The following SGCZ variants were observed in gnomAD, a reference collection of about 807,000 sequenced individuals.
SGCZ encodes zeta-sarcoglycan.
In SGCZ, 40 loss-of-function variants were observed where a neutral mutation model predicts 41.3. That is an observed-to-expected ratio of 0.97 (90% CI 0.75 to 1.26). SGCZ has a LOEUF of 1.26. SGCZ is among the 50% of genes most tolerant of loss of function. The pLI is 0.00. For missense variants in SGCZ, 552 were observed against 369.8 expected (o/e 1.49, Z -4.04); for synonymous variants, 206 against 137.5 (o/e 1.50, Z -3.49).
At chr8:14,779,195 A>G (rs1188341498) in intron 1 of SGCZ, among the ~76,000 whole-genome samples, 1 of 152,208 alleles carries the variant, frequency 6.6e-6, no homozygotes, top group African/African-American at 2.4e-5. Flanking sequence ...TATAACCAAT[A>G]GATTATGGCT....
intron 1 of SGCZ, among the ~76,000 whole-genome samples, chr8:15,016,412 GGGCTTAGAAAT>G (rs1316553816): frequency 6.6e-6 from 1 of 152,210 alleles, no homozygotes; most frequent in Non-Finnish European, 1.5e-5. Context: ...TGGGTGGGGA[GGGCTTAGAAAT>G]GGCTCTCTCC....
At chr8:15,163,981 C>CAGG (rs1563160004) in intron 1 of SGCZ, among the ~76,000 whole-genome samples, 1 of 152,204 alleles carries the variant, frequency 6.6e-6, no homozygotes, top group Non-Finnish European at 1.5e-5. Flanking sequence ...GGCCTCTCCG[C>CAGG]TTCCTGCGTG....
intron 3 of SGCZ, among the ~76,000 whole-genome samples, chr8:14,238,141 C>T (rs968840436): frequency 2.6e-5 from 4 of 152,204 alleles, no homozygotes; most frequent in Non-Finnish European, 5.9e-5. Context: ...TCCTCAAACT[C>T]CCAATGTCCA....
chr8:14,243,066 C>T (rs775417173), intron 3 of SGCZ, among the ~76,000 whole-genome samples: 6 of 152,176 alleles, frequency 3.9e-5, no homozygotes, highest in Non-Finnish European at 7.3e-5. Flanking sequence ...TTTGTCTCCT[C>T]AGATTCCAAA....
chr8:15,023,909 T>G (rs1052567263), intron 1 of SGCZ, among the ~76,000 whole-genome samples: 10 of 152,242 alleles, frequency 6.6e-5, no homozygotes, highest in Non-Finnish European at 1.5e-5. Context: ...AAGAAAAGTT[T>G]CCCAGTCGGC....
intron 4 of SGCZ, among the ~76,000 whole-genome samples, chr8:14,221,129 A>C (rs1024050748): frequency 1.3e-5 from 2 of 152,212 alleles, no homozygotes; most frequent in Non-Finnish European, 2.9e-5. Flanking sequence ...ACTCCTACAT[A>C]TTCAAAATGT....
chr8:14,711,297 G>A (rs749099406), intron 1 of SGCZ, among the ~76,000 whole-genome samples: 1 of 151,780 alleles, frequency 6.6e-6, no homozygotes, highest in Non-Finnish European at 1.5e-5. Flanking sequence ...CATTAATAAT[G>A]TACATATGTT....
At chr8:14,613,157 G>T (rs1326529864) in intron 1 of SGCZ, among the ~76,000 whole-genome samples, 5 of 152,124 alleles carry the variant, frequency 3.3e-5, no homozygotes, top group Non-Finnish European at 7.4e-5. Flanking sequence ...TGCTGAGTGG[G>T]GGCCCTCCAT....
intron 1 of SGCZ, among the ~76,000 whole-genome samples, chr8:14,732,981 G>A (rs762462795): frequency 1.3e-5 from 2 of 151,590 alleles, no homozygotes; most frequent in Non-Finnish European, 2.9e-5. Flanking sequence ...TTTAAAACAT[G>A]TATTAACCTC....
At chr8:14,945,515 G>T (rs1399010859) in intron 1 of SGCZ, among the ~76,000 whole-genome samples, 1 of 152,066 alleles carries the variant, frequency 6.6e-6, no homozygotes, top group Non-Finnish European at 1.5e-5. Flanking sequence ...TTTGGATCAA[G>T]ACTACTATGG....
intron 2 of SGCZ, among the ~76,000 whole-genome samples, chr8:14,538,944 G>A (rs1014845414): frequency 1.3e-5 from 2 of 151,976 alleles, no homozygotes; most frequent in Admixed American, 6.6e-5. Flanking sequence ...TTAATTTCAT[G>A]TGTCAGCTTG....
At chr8:14,925,140 G>T (rs1010435716) in intron 1 of SGCZ, among the ~76,000 whole-genome samples, 2 of 152,168 alleles carry the variant, frequency 1.3e-5, no homozygotes, top group Non-Finnish European at 2.9e-5. Context: ...TTATAGGCGT[G>T]AGGCACCAGG....
chr8:15,107,887 C>A (rs1806892164), intron 1 of SGCZ, among the ~76,000 whole-genome samples: 1 of 152,072 alleles, frequency 6.6e-6, no homozygotes, highest in African/African-American at 2.4e-5. Flanking sequence ...TAGAAGTCAC[C>A]CATTTCGTTC....
At chr8:14,777,874 T>C (rs1288327466) in intron 1 of SGCZ, among the ~76,000 whole-genome samples, 1 of 149,712 alleles carries the variant, frequency 6.7e-6, no homozygotes, top group Non-Finnish European at 1.5e-5. Flanking sequence ...ATCTTACACC[T>C]TTTCTTATGT....
intron 1 of SGCZ, among the ~76,000 whole-genome samples, chr8:15,180,317 A>C (rs1800133201): frequency 6.6e-6 from 1 of 152,202 alleles, no homozygotes; most frequent in Non-Finnish European, 1.5e-5. Context: ...CTGGCTATAT[A>C]AAAGCCATTG....
chr8:14,968,612 G>C (rs957656725), intron 1 of SGCZ, among the ~76,000 whole-genome samples: 14 of 152,132 alleles, frequency 9.2e-5, no homozygotes, highest in Non-Finnish European at 1.9e-4. Flanking sequence ...CGTGTGTACA[G>C]ATGATTGAGA....
At chr8:15,214,910 G>C (rs993987134) in intron 1 of SGCZ, among the ~76,000 whole-genome samples, 5 of 152,116 alleles carry the variant, frequency 3.3e-5, no homozygotes, top group Non-Finnish European at 1.5e-5. Context: ...ACAGAAAAGC[G>C]AAGTTGCAGA....
chr8:14,969,903 GCAGA>G (rs1801236566), intron 1 of SGCZ, among the ~76,000 whole-genome samples: 1 of 152,014 alleles, frequency 6.6e-6, no homozygotes, highest in African/African-American at 2.4e-5. Flanking sequence ...GACTGAAATG[GCAGA>G]CAATGTTTCA....
intron 1 of SGCZ, among the ~76,000 whole-genome samples, chr8:15,220,911 G>A (rs996871086): frequency 6.6e-6 from 1 of 152,040 alleles, no homozygotes; most frequent in East Asian, 1.9e-4. Flanking sequence ...ACTATCACAA[G>A]TACAGAAAAC....
Sources: gnomAD v4.1 joint callset for allele counts (sites outside exome capture counted in the v4.1 genomes callset) on GRCh38, gnomAD v4.1.1 for gene constraint, MANE v1.5 for transcripts, NCBI Gene and HGNC (gene_info 2026-07-23, HGNC 2026-07-21) for gene names.